DMD: variants seen among roughly 807,000 people sequenced by gnomAD.
The protein encoded by DMD is dystrophin, also known as mutant dystrophin.
In DMD, 63 loss-of-function variants were observed where a neutral mutation model predicts 330.1. That is an observed-to-expected ratio of 0.19 (90% CI 0.16 to 0.24). DMD has a LOEUF of 0.24. Ranked by LOEUF, DMD falls within the 10% of genes least tolerant of loss-of-function variation. The pLI, the probability that DMD is intolerant of heterozygous loss-of-function variation, is 1.00. For missense variants in DMD, 3,344 were observed against 2,684.1 expected (o/e 1.25, Z -5.43); for synonymous variants, 1,223 against 959.8 (o/e 1.27, Z -5.07).
intron 1 of DMD, among the ~76,000 whole-genome samples, chrX:33,316,152 A>G (rs1277574069): frequency 9.0e-6 from 1 of 110,765 alleles, no homozygotes; most frequent in Non-Finnish European, 1.9e-5. Flanking sequence ...TGAAAAACAT[A>G]CTCAACTTTC....
At chrX:32,542,231 C>A (rs191571634) in intron 17 of DMD, among the ~76,000 whole-genome samples, 2,904 of 111,385 alleles carry the variant, frequency 0.026, 48 homozygotes, top group Middle Eastern at 0.066. Context: ...GAGCTCAAGA[C>A]CAGCCTGGCC....
intron 1 of DMD, among the ~76,000 whole-genome samples, chrX:33,262,805 G>A (rs2052980470): frequency 1.8e-5 from 2 of 110,339 alleles, no homozygotes; most frequent in South Asian, 7.6e-4. Flanking sequence ...TTTATTTAGA[G>A]ACCGATGAGT....
intron 51 of DMD, among the ~76,000 whole-genome samples, chrX:31,763,535 C>A (rs2089776981): frequency 1.8e-5 from 2 of 112,053 alleles, no homozygotes; most frequent in South Asian, 7.5e-4. Context: ...TGCACTCCAG[C>A]CCGGGCAACA....
At chrX:31,222,228 A>G (rs1362984888) in intron 64 of DMD, among the ~76,000 whole-genome samples, 1 of 105,774 alleles carries the variant, frequency 9.5e-6, no homozygotes, top group African/African-American at 3.5e-5. Flanking sequence ...CAAACAAACA[A>G]AAAACAAAAA....
intron 55 of DMD, among the ~76,000 whole-genome samples, chrX:31,530,647 C>CTTTTTTTTTTTTTTTTTTTTTTTT (rs1192286078): frequency 1.2e-4 from 6 of 49,817 alleles, no homozygotes; most frequent in East Asian, 7.2e-4. Context: ...ACTGGTTTCT[C>CTTTTTTTTTTTTTTTTTTTTTTTT]TTTTTTTTTT....
intron 9 of DMD, among the ~76,000 whole-genome samples, chrX:32,689,433 A>T (rs1481987203): frequency 1.3e-4 from 14 of 111,497 alleles, no homozygotes. Context: ...TAAACTCTCA[A>T]CAAAGAAAAG....
chrX:32,735,368 C>G (rs1271323562), intron 7 of DMD, among the ~76,000 whole-genome samples: 3 of 110,568 alleles, frequency 2.7e-5, no homozygotes, highest in Non-Finnish European at 5.7e-5. Context: ...TCAATGTCAT[C>G]CCCATCAAGC....
At chrX:32,176,867 A>C (rs763661283) in intron 44 of DMD, among the ~76,000 whole-genome samples, 1 of 111,561 alleles carries the variant, frequency 9.0e-6, no homozygotes, top group East Asian at 2.8e-4. Flanking sequence ...CACATCCAAA[A>C]TACGTTTACT....
chrX:32,713,861 A>G (rs1236207002), intron 7 of DMD, among the ~76,000 whole-genome samples: 1 of 111,797 alleles, frequency 8.9e-6, no homozygotes, highest in Non-Finnish European at 1.9e-5. Flanking sequence ...GTGAGTCAAA[A>G]TTGCATTTAA....
At position 32,312,942 on chromosome X, in the gene DMD, C is replaced by CAAAAAAAAAAAAAAAAAA. The variant is rs767993498; in HGVS notation, c.5923-2684_5923-2667dup. 8.3e-4 allele frequency among the ~76,000 whole-genome samples: 17 copies of CAAAAAAAAAAAAAAAAAA among 20,404 alleles called. 3 individuals carry two copies. The highest frequency in any genetic ancestry group is 2.1e-3 in the Admixed American group (2 of 964). 17.7% of individuals were successfully genotyped at this position (20,404 alleles called of 115,157 possible). A position where few individuals can be genotyped will look rare whatever the true frequency, so the allele number is the denominator to read the frequency against. On this transcript the variant is annotated intron_variant, in intron 41 of 78. Transcript: ENST00000357033. The stretch of plus-strand genomic sequence containing the variant: ...ATTGAGGCAGTAATAGCCTACGAAC[C>CAAAAAAAAAAAAAAAAAA]AAAAAAAAAAAAAAAAAAAAAAGCC...
chrX:32,661,971 A>G (rs1034533523), intron 9 of DMD, among the ~76,000 whole-genome samples: 1 of 111,703 alleles, frequency 9.0e-6, no homozygotes. Flanking sequence ...CCATTGGTAC[A>G]TTTCAACTTA....
chrX:32,579,018 G>A (rs191912132), intron 13 of DMD, among the ~76,000 whole-genome samples: 205 of 110,722 alleles, frequency 1.9e-3, no homozygotes, highest in African/African-American at 6.6e-3. Flanking sequence ...TACTCTTACT[G>A]ATGTTGAAAT....
chrX:31,331,986 T>C (rs181932381), intron 61 of DMD, among the ~76,000 whole-genome samples: 277 of 111,583 alleles, frequency 2.5e-3, no homozygotes, highest in Middle Eastern at 4.7e-3. Flanking sequence ...ATAGGAGAGA[T>C]TGAATTTGGG....
intron 50 of DMD, among the ~76,000 whole-genome samples, chrX:31,794,210 T>C (rs1305915576): frequency 6.3e-5 from 7 of 111,579 alleles, no homozygotes; most frequent in African/African-American, 2.3e-4. Flanking sequence ...CTTGGACTTA[T>C]TGCTCTATTC....
At chrX:31,298,259 A>T (rs1442807240) in intron 62 of DMD, among the ~76,000 whole-genome samples, 1 of 111,948 alleles carries the variant, frequency 8.9e-6, no homozygotes, top group Non-Finnish European at 1.9e-5. Context: ...GAATTTCATA[A>T]TTACCTACTA....
chrX:32,310,008 G>A (rs1428997422), intron 42 of DMD, 74 bp downstream of exon 42: 2 of 953,057 alleles, frequency 2.1e-6, no homozygotes, highest in African/African-American at 3.9e-5. Flanking sequence ...TACAATTTAA[G>A]TCAATTGTTC....
intron 75 of DMD, 75 bp from the exon 76 acceptor site, chrX:31,146,489 A>G (rs1569342173): frequency 9.6e-7 from 1 of 1,040,976 alleles, no homozygotes; most frequent in Non-Finnish European, 1.3e-6. Flanking sequence ...AATATGATAC[A>G]CACTCAGGAC....
chrX:33,319,239 C>A (rs770307784), intron 1 of DMD, among the ~76,000 whole-genome samples: 1 of 110,806 alleles, frequency 9.0e-6, no homozygotes, highest in African/African-American at 3.3e-5. Context: ...TTTTAGTTTA[C>A]GCCACCCAGT....
intron 43 of DMD, among the ~76,000 whole-genome samples, chrX:32,235,609 T>C (rs1473480009): frequency 8.9e-6 from 1 of 111,824 alleles, no homozygotes; most frequent in African/African-American, 3.3e-5. Context: ...GTCTACCCAT[T>C]ACAATTTTGG....
Sources: gnomAD v4.1 joint callset for allele counts (sites outside exome capture counted in the v4.1 genomes callset) on GRCh38, gnomAD v4.1.1 for gene constraint, MANE v1.5 for transcripts, NCBI Gene and HGNC (gene_info 2026-07-23, HGNC 2026-07-21) for gene names.